The following PCDH17 variants were observed in gnomAD, a reference collection of about 807,000 sequenced individuals.
PCDH17 encodes protocadherin-17.
In PCDH17, 21 loss-of-function variants were observed where a neutral mutation model predicts 67.7. The observed-to-expected ratio is 0.31, with a 90% CI of 0.22 to 0.45. The LOEUF is 0.45. Ranked by LOEUF, PCDH17 falls within the 20% of genes least tolerant of loss-of-function variation. The pLI is 1.00. For synonymous variants in PCDH17, 701 were observed against 656.7 expected (o/e 1.07, Z -1.03); for missense variants, 1,471 against 1,564.8 (o/e 0.94, Z 1.01).
intron 3 of PCDH17, among the ~76,000 whole-genome samples, chr13:57,699,638 G>A (rs995723338): frequency 2.0e-5 from 3 of 150,790 alleles, no homozygotes; most frequent in Admixed American, 2.0e-4. Context: ...TCTTAATTTG[G>A]TTTAAAGTTT....
intron 3 of PCDH17, among the ~76,000 whole-genome samples, chr13:57,688,879 A>G (rs73519481): frequency 0.013 from 1,996 of 152,154 alleles, 35 homozygotes; most frequent in African/African-American, 0.045. Context: ...TGCAGTGTAT[A>G]TACAAACATA....
chr13:57,655,290 T>C (rs1249081398), intron 1 of PCDH17, among the ~76,000 whole-genome samples: 1 of 152,030 alleles, frequency 6.6e-6, no homozygotes, highest in African/African-American at 2.4e-5. Flanking sequence ...TAACATTATC[T>C]AAATAATAAT....
intron 1 of PCDH17, 47 bp downstream of exon 1, chr13:57,635,158 T>G: frequency 3.8e-6 from 6 of 1,597,538 alleles, no homozygotes; most frequent in Non-Finnish European, 5.1e-6. Context: ...TTGCTGGTTT[T>G]GGAGCTGTCC....
chr13:57,669,073 G>A (rs1955290669), intron 3 of PCDH17, among the ~76,000 whole-genome samples: 1 of 151,640 alleles, frequency 6.6e-6, no homozygotes, highest in African/African-American at 2.4e-5. Context: ...TCCCACCTAT[G>A]AGTGAGAACA....
intron 3 of PCDH17, among the ~76,000 whole-genome samples, chr13:57,677,910 G>A (rs147876452): frequency 1.6e-3 from 241 of 151,790 alleles, no homozygotes; most frequent in African/African-American, 5.5e-3. Context: ...TTGAGAGGCC[G>A]GCCTAGAGGA....
chr13:57,641,789 A>G (rs1211432519), intron 1 of PCDH17, among the ~76,000 whole-genome samples: 3 of 150,422 alleles, frequency 2.0e-5, no homozygotes, highest in East Asian at 1.9e-4. Context: ...GCGTTTGCAT[A>G]TATTTATTCA....
At chr13:57,724,501 A>T in intron 3 of PCDH17, 111 bp from the exon 4 acceptor site, 1 of 771,518 alleles carries the variant, frequency 1.3e-6, no homozygotes, top group Non-Finnish European at 2.1e-6. Context: ...TTTCCTTTTT[A>T]ATTAAGAGAC....
rs147017827 is a variant in PCDH17 at position 57,649,987 on chromosome 13, G to A, written c.2565+14876G>A. ...ATTTACATGGTTTGAAAAGAAGGAA[G>A]AGGAAAGCAGACTATCAGAAAAGAG... On this transcript the variant is annotated intron_variant, in intron 1 of 3. Transcript: ENST00000377918. Among the ~76,000 whole-genome samples the A allele has an allele frequency of 8.0e-3, 1,218 of 152,266 alleles. 19 individuals are homozygous for A. The highest frequency in any genetic ancestry group is 0.027 in the African/African-American group (1,130 of 41,554).
intron 3 of PCDH17, among the ~76,000 whole-genome samples, chr13:57,717,347 T>C (rs1955827075): frequency 6.6e-6 from 1 of 152,022 alleles, no homozygotes; most frequent in Non-Finnish European, 1.5e-5. Flanking sequence ...CAAATACTGT[T>C]TTGCATTTAT....
Position 57,634,263 on chromosome 13 carries a change from G to C in PCDH17, c.1717G>C (p.Val573Leu). ...GAGCAACGCCACGGTGAGGGTGACA[G>C]TGCTAGACGTGAATGACAACGCGCC... ...LESNATVRVT[V>L]LDVNDNAPVI... Residue 573 changes from valine to leucine, a missense_variant, in exon 1 of 4, where the codon GTG (valine) becomes CTG (leucine). This residue lies in a region of PCDH17 where 1,163 missense variants were observed against 1,230.0 expected (regional missense o/e 0.95). Coordinates refer to ENST00000377918, the MANE Select transcript of PCDH17 (RefSeq NM_001040429.3). This position sits in a 1 kb window ranked among gnomAD's most constrained non-coding sequence, Gnocchi z 7.8. 1 of 1,613,232 alleles carries C rather than the reference G, an allele frequency of 6.2e-7. No individual in the cohort carries two copies. The highest frequency in any genetic ancestry group is 8.5e-7 in the Non-Finnish European group (1 of 1,180,028).
At chr13:57,724,532 T>A in intron 3 of PCDH17, 80 bp from the exon 4 acceptor site, 1 of 1,141,172 alleles carries the variant, frequency 8.8e-7, no homozygotes, top group Non-Finnish European at 1.3e-6. Context: ...GCAAGCCCAT[T>A]GAGAGCTGAT....
intron 1 of PCDH17, among the ~76,000 whole-genome samples, chr13:57,665,603 A>C: frequency 6.6e-6 from 1 of 152,146 alleles, no homozygotes; most frequent in East Asian, 1.9e-4. Context: ...TCACTGAGTC[A>C]GCTGCAAGAA....
chr13:57,709,947 G>T (rs1401486112), intron 3 of PCDH17, among the ~76,000 whole-genome samples: 2 of 151,908 alleles, frequency 1.3e-5, no homozygotes, highest in Non-Finnish European at 2.9e-5. Flanking sequence ...CGGAAAAGCT[G>T]TATAGTGTTA....
intron 1 of PCDH17, among the ~76,000 whole-genome samples, chr13:57,654,417 G>A (rs1170949069): frequency 6.6e-6 from 1 of 151,014 alleles, no homozygotes; most frequent in South Asian, 2.1e-4. Flanking sequence ...TTTTTCATTT[G>A]TGTGTGTGTG....
chr13:57,718,050 A>G (rs928059769), intron 3 of PCDH17, among the ~76,000 whole-genome samples: 14 of 152,004 alleles, frequency 9.2e-5, no homozygotes, highest in Non-Finnish European at 2.1e-4. Context: ...AAGCAGCAAG[A>G]CATTCCATAT....
intron 3 of PCDH17, among the ~76,000 whole-genome samples, chr13:57,714,514 T>C (rs1828301509): frequency 6.6e-6 from 1 of 151,646 alleles, no homozygotes; most frequent in African/African-American, 2.4e-5. Context: ...ACAGAGGCAA[T>C]AAAAGCATAA....
At chr13:57,718,826 A>C (rs1955847019) in intron 3 of PCDH17, among the ~76,000 whole-genome samples, 2 of 151,930 alleles carry the variant, frequency 1.3e-5, no homozygotes, top group Admixed American at 1.3e-4. Context: ...ATGTGTGCAC[A>C]TGCATGTGTG....
chr13:57,682,748 A>G (rs144827800), intron 3 of PCDH17, among the ~76,000 whole-genome samples: 1 of 151,980 alleles, frequency 6.6e-6, no homozygotes, highest in African/African-American at 2.4e-5. Flanking sequence ...AGATTGATCG[A>G]GTATTAAGAC....
At chr13:57,693,315 CAT>C (rs59643529) in intron 3 of PCDH17, among the ~76,000 whole-genome samples, 9,568 of 89,260 alleles carry the variant, frequency 0.11, 765 homozygotes, top group South Asian at 0.22. Flanking sequence ...CACTTACATT[CAT>C]ATATATATAT....
Sources: gnomAD v4.1 joint callset for allele counts (sites outside exome capture counted in the v4.1 genomes callset) on GRCh38, gnomAD v4.1.1 for gene constraint, gnomAD v4.1.1 regional missense constraint, Gnocchi (gnomAD v3.1) non-coding constraint, MANE v1.5 for transcripts, NCBI Gene and HGNC (gene_info 2026-07-23, HGNC 2026-07-21) for gene names.